CACNA1E: variants seen among roughly 807,000 people sequenced by gnomAD.
CACNA1E encodes the protein voltage-dependent R-type calcium channel subunit alpha-1E.
A neutral mutation model predicts 259.2 loss-of-function variants in CACNA1E; 40 were observed. The ratio of observed to expected loss-of-function variants is 0.15; its 90% CI spans 0.12 to 0.20. The LOEUF is 0.20. Ranked by LOEUF, CACNA1E falls within the 10% of genes least tolerant of loss-of-function variation. The probability of loss-of-function intolerance (pLI) is 1.00; values close to 1 mark genes in which losing one functional copy is unlikely to be tolerated. For synonymous variants in CACNA1E, 1,104 were observed against 1,138.5 expected (o/e 0.97, Z 0.61); for missense variants, 1,874 against 3,040.1 (o/e 0.62, Z 9.02).
At chr1:181,373,438 T>C (rs1438299706) in intron 1 of CACNA1E, among the ~76,000 whole-genome samples, 1 of 152,110 alleles carries the variant, frequency 6.6e-6, no homozygotes, top group Non-Finnish European at 1.5e-5. Context: ...TTCACAATAG[T>C]CTCTGATGGG....
chr1:181,633,198 C>A (rs1656902863), intron 6 of CACNA1E, among the ~76,000 whole-genome samples: 1 of 152,130 alleles, frequency 6.6e-6, no homozygotes, highest in Admixed American at 6.5e-5. Context: ...AGGCAAGGGG[C>A]AGTTTCCAAG....
At chr1:181,528,825 G>T (rs942995268) in intron 3 of CACNA1E, among the ~76,000 whole-genome samples, 7 of 152,160 alleles carry the variant, frequency 4.6e-5, no homozygotes, top group Non-Finnish European at 1.0e-4. Flanking sequence ...AGGTGAGTTG[G>T]GTGCTGTTAA....
intron 3 of CACNA1E, among the ~76,000 whole-genome samples, chr1:181,517,313 A>C (rs1361837717): frequency 1.3e-5 from 2 of 152,074 alleles, no homozygotes; most frequent in Non-Finnish European, 2.9e-5. Flanking sequence ...ACCACAGGAC[A>C]CTTCTGGAAG....
At chr1:181,537,152 T>C (rs1668241581) in intron 3 of CACNA1E, among the ~76,000 whole-genome samples, 2 of 141,380 alleles carry the variant, frequency 1.4e-5, no homozygotes, top group African/African-American at 2.7e-5. Context: ...CAGGCTGGAG[T>C]GCAGTGGCAC....
chr1:181,327,002 T>C (rs1650845804), intron 1 of CACNA1E, among the ~76,000 whole-genome samples: 1 of 152,118 alleles, frequency 6.6e-6, no homozygotes, highest in South Asian at 2.1e-4. Context: ...CCTGGGTTCT[T>C]CTCCTTTGCA....
intron 6 of CACNA1E, among the ~76,000 whole-genome samples, chr1:181,626,467 G>A (rs768680317): frequency 6.6e-6 from 1 of 152,128 alleles, no homozygotes; most frequent in Non-Finnish European, 1.5e-5. Flanking sequence ...TTGAACCTTG[G>A]GAAGTTACTC....
chr1:181,755,591 A>AGC, intron 28 of CACNA1E, among the ~76,000 whole-genome samples, 194 bp downstream of exon 28: 1 of 152,332 alleles, frequency 6.6e-6, no homozygotes, highest in South Asian at 2.1e-4. Context: ...CTTGAGTGTA[A>AGC]AATATCTCGT....
chr1:181,334,176 G>T (rs1651505616), intron 1 of CACNA1E, among the ~76,000 whole-genome samples: 1 of 151,880 alleles, frequency 6.6e-6, no homozygotes, highest in Non-Finnish European at 1.5e-5. Flanking sequence ...ATGAGTCCTT[G>T]ACATGGACAG....
intron 8 of CACNA1E, among the ~76,000 whole-genome samples, 147 bp from the exon 9 acceptor site, chr1:181,715,178 CTGTGACACTTGCT>C (rs1419148465): frequency 6.6e-6 from 1 of 152,228 alleles, no homozygotes; most frequent in African/African-American, 2.4e-5. Flanking sequence ...TGTGCACCCT[CTGTGACACTTGCT>C]TTCTTTCTGA....
At chr1:181,697,189 G>A (rs1190354920) in intron 7 of CACNA1E, among the ~76,000 whole-genome samples, 1 of 152,318 alleles carries the variant, frequency 6.6e-6, no homozygotes, top group Non-Finnish European at 1.5e-5. Context: ...CAGGAAGAAA[G>A]AAGAGGAAAA....
At chr1:181,604,734 A>G (rs961644024) in intron 6 of CACNA1E, among the ~76,000 whole-genome samples, 1 of 152,212 alleles carries the variant, frequency 6.6e-6, no homozygotes, top group African/African-American at 2.4e-5. Flanking sequence ...ATCTGATCCC[A>G]TATCTTAGCT....
At chr1:181,754,631 T>G (rs1488858276) in intron 27 of CACNA1E, among the ~76,000 whole-genome samples, 1 of 152,186 alleles carries the variant, frequency 6.6e-6, no homozygotes, top group African/African-American at 2.4e-5. Flanking sequence ...CCACATTACT[T>G]CTATTGGTCT....
At chr1:181,652,481 A>C (rs1353836505) in intron 7 of CACNA1E, among the ~76,000 whole-genome samples, 1 of 152,254 alleles carries the variant, frequency 6.6e-6, no homozygotes, top group African/African-American at 2.4e-5. Context: ...ATGACAAGAG[A>C]TGAAAGATGT....
At chr1:181,333,641 T>A (rs147043121) in intron 1 of CACNA1E, among the ~76,000 whole-genome samples, 1 of 152,156 alleles carries the variant, frequency 6.6e-6, no homozygotes, top group African/African-American at 2.4e-5. Flanking sequence ...CCATCATTCC[T>A]TCTTCATTTC....
intron 2 of CACNA1E, among the ~76,000 whole-genome samples, chr1:181,425,881 C>G (rs1659152553): frequency 6.6e-6 from 1 of 152,150 alleles, no homozygotes; most frequent in Non-Finnish European, 1.5e-5. Context: ...CTGCCCCCGC[C>G]TCTCCTGGGG....
At chr1:181,567,105 G>A (rs1649916288) in intron 3 of CACNA1E, among the ~76,000 whole-genome samples, 1 of 152,140 alleles carries the variant, frequency 6.6e-6, no homozygotes, top group Non-Finnish European at 1.5e-5. Context: ...AAGGAGAAAG[G>A]ATTTTTAGGC....
intron 6 of CACNA1E, among the ~76,000 whole-genome samples, chr1:181,610,979 A>G (rs2103109749): frequency 6.6e-6 from 1 of 152,338 alleles, no homozygotes; most frequent in South Asian, 2.1e-4. Context: ...AGAAGAGTTA[A>G]TAACTCACCA....
At chr1:181,451,036 A>T (rs972845493) in intron 2 of CACNA1E, among the ~76,000 whole-genome samples, 2 of 152,254 alleles carry the variant, frequency 1.3e-5, no homozygotes, top group African/African-American at 4.8e-5. Flanking sequence ...ATTGATGGCT[A>T]CAGAGACAGA....
chr1:181,361,125 T>C (rs1653859458), intron 1 of CACNA1E, among the ~76,000 whole-genome samples: 1 of 152,192 alleles, frequency 6.6e-6, no homozygotes, highest in Admixed American at 6.5e-5. Context: ...TGTGGTCTCC[T>C]CAATCTGTGG....
Sources: allele counts gnomAD v4.1 joint callset (sites outside exome capture counted in the v4.1 genomes callset), GRCh38; gene constraint gnomAD v4.1.1; transcripts MANE v1.5; gene names NCBI Gene and HGNC (gene_info 2026-07-23, HGNC 2026-07-21).